Variants in CHIC1 observed in about 807,000 individuals in gnomAD.
The protein encoded by CHIC1 is cysteine-rich hydrophobic domain-containing protein 1.
A neutral mutation model predicts 18.5 loss-of-function variants in CHIC1; 7 were observed. That is an observed-to-expected ratio of 0.38 (90% CI 0.22 to 0.71). The LOEUF is 0.71. Among genes scored for constraint, CHIC1 ranks in the 30% least tolerant of loss-of-function variants. CHIC1 has a pLI of 0.49. For synonymous variants in CHIC1, 77 were observed against 73.5 expected, an observed-to-expected ratio of 1.05 and a Z score of -0.25; for missense variants, 159 against 176.9, an observed-to-expected ratio of 0.90 and a Z score of 0.57.
intron 3 of CHIC1, among the ~76,000 whole-genome samples, 180 bp from the exon 4 acceptor site, chrX:73,679,146 T>C (rs1197468204): frequency 8.9e-6 from 1 of 111,956 alleles, no homozygotes; most frequent in East Asian, 2.8e-4. Context: ...ATTATAATAG[T>C]CATCCAAATC....
chrX:73,570,349 A>G (rs924990752), intron 1 of CHIC1, among the ~76,000 whole-genome samples: 3 of 111,047 alleles, frequency 2.7e-5, no homozygotes, highest in African/African-American at 9.8e-5. Context: ...CAAGGACAAG[A>G]GCCAATGTAG....
intron 2 of CHIC1, among the ~76,000 whole-genome samples, 164 bp downstream of exon 2, chrX:73,577,625 A>G (rs896465634): frequency 2.7e-5 from 3 of 110,885 alleles, no homozygotes; most frequent in African/African-American, 9.8e-5. Context: ...TGCCATGGCT[A>G]CCAGCCTCTG....
At chrX:73,574,814 T>C (rs1415361458) in intron 1 of CHIC1, among the ~76,000 whole-genome samples, 1 of 110,618 alleles carries the variant, frequency 9.0e-6, no homozygotes, top group Non-Finnish European at 1.9e-5. Flanking sequence ...ATCTTCTCTT[T>C]TTTCTTTGTT....
intron 3 of CHIC1, among the ~76,000 whole-genome samples, chrX:73,595,079 T>C (rs1157523672): frequency 9.0e-6 from 1 of 111,565 alleles, no homozygotes; most frequent in Non-Finnish European, 1.9e-5. Context: ...CAAGTGCCTG[T>C]TTGAGTCTTT....
intron 3 of CHIC1, among the ~76,000 whole-genome samples, chrX:73,676,367 A>T (rs763854160): frequency 8.9e-6 from 1 of 112,093 alleles, no homozygotes; most frequent in East Asian, 2.8e-4. Context: ...TTTCAGGTAC[A>T]CCAATCAGAC....
At position 73,646,248 on chromosome X, in the gene CHIC1, A is replaced by G. The variant is rs751797621; in HGVS notation, c.508-33078A>G. 4.7e-3 allele frequency among the ~76,000 whole-genome samples: 523 copies of G among 111,277 alleles called. 2 individuals carry two copies. The highest frequency in any genetic ancestry group is 7.5e-3 in the Non-Finnish European group (396 of 52,998). On this transcript the variant is annotated intron_variant, in intron 3 of 5. Coordinates refer to ENST00000373502, the MANE Select transcript of CHIC1 (RefSeq NM_001039840.4). ...ATTTCTGGGCACTCTATCCTGTTCT[A>G]TTGTCCAGTGTGTCTGTATTTATGC... is the stretch of plus-strand genomic sequence containing the variant.
intron 3 of CHIC1, among the ~76,000 whole-genome samples, chrX:73,658,248 GTT>G (rs869309622): frequency 1.4e-3 from 23 of 16,704 alleles, no homozygotes; most frequent in African/African-American, 4.4e-3. Flanking sequence ...CTGGTCCTAG[GTT>G]TTTTTTTTTT....
At chrX:73,667,951 A>G (rs1420415479) in intron 3 of CHIC1, among the ~76,000 whole-genome samples, 1 of 111,633 alleles carries the variant, frequency 9.0e-6, no homozygotes, top group African/African-American at 3.3e-5. Flanking sequence ...ATCCTCAAGT[A>G]TGTTTTCCAA....
At chrX:73,569,093 T>A (rs2057457989) in intron 1 of CHIC1, among the ~76,000 whole-genome samples, 1 of 111,917 alleles carries the variant, frequency 8.9e-6, no homozygotes, top group Non-Finnish European at 1.9e-5. Flanking sequence ...CCTTTTGTTT[T>A]GTGGCATAGC....
chrX:73,595,061 TTACTA>T (rs1290095067), intron 3 of CHIC1, among the ~76,000 whole-genome samples: 1 of 111,649 alleles, frequency 9.0e-6, no homozygotes, highest in Non-Finnish European at 1.9e-5. Context: ...GTAGTAAACA[TTACTA>T]TACAAGTGCC....
At chrX:73,604,057 T>C (rs944331539) in intron 3 of CHIC1, among the ~76,000 whole-genome samples, 1 of 108,713 alleles carries the variant, frequency 9.2e-6, no homozygotes, top group African/African-American at 3.6e-5. Flanking sequence ...TTCTGTTGTT[T>C]GGAATAATTT....
chrX:73,585,610 C>G (rs2057549014), intron 3 of CHIC1, among the ~76,000 whole-genome samples: 2 of 111,313 alleles, frequency 1.8e-5, no homozygotes, highest in Admixed American at 9.6e-5. Context: ...TAACTCCTAC[C>G]CATCCCTATT....
chrX:73,652,221 A>G (rs1284427882), intron 3 of CHIC1, among the ~76,000 whole-genome samples: 2 of 112,238 alleles, frequency 1.8e-5, no homozygotes, highest in Non-Finnish European at 3.8e-5. Flanking sequence ...CTTACACCTT[A>G]TACAAAAATT....
At chrX:73,618,268 C>G (rs1654911518) in intron 3 of CHIC1, among the ~76,000 whole-genome samples, 1 of 111,699 alleles carries the variant, frequency 9.0e-6, no homozygotes, top group African/African-American at 3.3e-5. Context: ...CAGGAGGTGG[C>G]ACTTTCAATA....
At chrX:73,627,647 C>T (rs1260793383) in intron 3 of CHIC1, among the ~76,000 whole-genome samples, 2 of 111,639 alleles carry the variant, frequency 1.8e-5, no homozygotes, top group Non-Finnish European at 3.8e-5. Flanking sequence ...GCCCCAAGGG[C>T]TCTTAAGTCA....
intron 3 of CHIC1, among the ~76,000 whole-genome samples, chrX:73,643,673 T>C (rs2057871188): frequency 8.9e-6 from 1 of 112,398 alleles, no homozygotes; most frequent in Admixed American, 9.4e-5. Context: ...CTCCTGAGGC[T>C]TCTGCATTCT....
At chrX:73,624,916 A>G (rs1372079512) in intron 3 of CHIC1, among the ~76,000 whole-genome samples, 1 of 112,186 alleles carries the variant, frequency 8.9e-6, no homozygotes, top group Non-Finnish European at 1.9e-5. Flanking sequence ...AAAACTTTAC[A>G]GAGGAGATAA....
chrX:73,571,889 T>C (rs181882567), intron 1 of CHIC1, among the ~76,000 whole-genome samples: 1 of 111,285 alleles, frequency 9.0e-6, no homozygotes, highest in East Asian at 2.8e-4. Flanking sequence ...ATTGCCTGTG[T>C]CCTTGAAAAT....
chrX:73,599,958 C>T (rs1603342100), intron 3 of CHIC1, among the ~76,000 whole-genome samples: 1 of 96,297 alleles, frequency 1.0e-5, no homozygotes, highest in Middle Eastern at 4.5e-3. Context: ...ATTCTTCCTA[C>T]CCATGAGCAT....
Sources: allele counts gnomAD v4.1 joint callset (sites outside exome capture counted in the v4.1 genomes callset), GRCh38; gene constraint gnomAD v4.1.1; transcripts MANE v1.5; gene names NCBI Gene and HGNC (gene_info 2026-07-23, HGNC 2026-07-21).